Variants in CA10 observed in about 807,000 individuals in gnomAD.
CA10 encodes the protein carbonic anhydrase 10 (inactive).
In CA10, 14 loss-of-function variants were observed where a neutral mutation model predicts 44.2. The observed-to-expected ratio is 0.32, with a 90% confidence interval of 0.21 to 0.50. The LOEUF is 0.50. CA10 is among the 20% of genes least tolerant of loss of function. The pLI, the probability that CA10 is intolerant of heterozygous loss-of-function variation, is 0.99. For synonymous variants in CA10, 159 were observed against 141.6 expected (o/e 1.12, Z -0.87); for missense variants, 350 against 409.7 (o/e 0.85, Z 1.26).
At chr17:51,677,936 T>G (rs2143377737) in intron 4 of CA10, among the ~76,000 whole-genome samples, 1 of 147,618 alleles carries the variant, frequency 6.8e-6, no homozygotes, top group South Asian at 2.1e-4. Context: ...AACTGAAAAC[T>G]GTACACCCAT....
intron 3 of CA10, among the ~76,000 whole-genome samples, chr17:51,822,577 G>C (rs896548913): frequency 6.6e-6 from 1 of 152,066 alleles, no homozygotes; most frequent in East Asian, 1.9e-4. Flanking sequence ...GGTGTTTACT[G>C]TCCTTCACTC....
intron 4 of CA10, among the ~76,000 whole-genome samples, chr17:51,739,712 G>C (rs1904380728): frequency 2.0e-5 from 3 of 152,266 alleles, no homozygotes; most frequent in Admixed American, 2.0e-4. Context: ...AAAATGTCCA[G>C]AGGGAGAACT....
chr17:51,734,590 G>C (rs1916834836), intron 4 of CA10, among the ~76,000 whole-genome samples: 1 of 152,160 alleles, frequency 6.6e-6, no homozygotes, highest in Non-Finnish European at 1.5e-5. Flanking sequence ...AACTCACAAG[G>C]AATGAGGAAT....
intron 1 of CA10, among the ~76,000 whole-genome samples, chr17:52,127,220 G>A (rs1989138291): frequency 1.3e-5 from 2 of 152,126 alleles, no homozygotes; most frequent in South Asian, 2.1e-4. Flanking sequence ...TATACATATT[G>A]TCCAGCAAGT....
chr17:51,776,212 T>G (rs1905813573), intron 3 of CA10, among the ~76,000 whole-genome samples: 1 of 152,030 alleles, frequency 6.6e-6, no homozygotes, highest in African/African-American at 2.4e-5. Context: ...ATACAAAAAT[T>G]TAGCTGGGCA....
chr17:51,801,334 T>C (rs1301498820), intron 3 of CA10, among the ~76,000 whole-genome samples: 1 of 152,176 alleles, frequency 6.6e-6, no homozygotes, highest in Non-Finnish European at 1.5e-5. Context: ...AAATCTCCAG[T>C]CGCCCTTGGG....
chr17:51,738,106 T>C (rs1916972778), intron 4 of CA10, among the ~76,000 whole-genome samples: 1 of 152,158 alleles, frequency 6.6e-6, no homozygotes, highest in Admixed American at 6.5e-5. Context: ...TAATGGAACA[T>C]GAAATCAAGT....
At chr17:52,053,773 A>G (rs984441439) in intron 2 of CA10, among the ~76,000 whole-genome samples, 6 of 152,114 alleles carry the variant, frequency 3.9e-5, no homozygotes, top group African/African-American at 1.4e-4. Flanking sequence ...GATTTCATGG[A>G]CATTTATTAG....
intron 2 of CA10, among the ~76,000 whole-genome samples, chr17:52,019,461 G>A (rs1159966894): frequency 3.9e-5 from 6 of 151,972 alleles, no homozygotes; most frequent in African/African-American, 1.4e-4. Context: ...GGTTATTTTG[G>A]TTTGGTTTTA....
chr17:52,148,979 T>C (rs1335547875), intron 1 of CA10, among the ~76,000 whole-genome samples: 4 of 152,210 alleles, frequency 2.6e-5, no homozygotes, highest in African/African-American at 9.6e-5. Context: ...TCCTCTGAGG[T>C]ATTTATTATT....
At chr17:51,911,453 A>G (rs1271401558) in intron 3 of CA10, among the ~76,000 whole-genome samples, 2 of 152,192 alleles carry the variant, frequency 1.3e-5, no homozygotes, top group Non-Finnish European at 2.9e-5. Context: ...TTCATTCTGC[A>G]TAGCATTACC....
chr17:51,757,665 T>C (rs1247402281), intron 3 of CA10, among the ~76,000 whole-genome samples: 1 of 152,184 alleles, frequency 6.6e-6, no homozygotes, highest in Non-Finnish European at 1.5e-5. Flanking sequence ...CCATAGCCTA[T>C]AGAAAAACAG....
chr17:51,751,588 TG>T (rs1471306190), intron 3 of CA10, among the ~76,000 whole-genome samples: 1 of 152,234 alleles, frequency 6.6e-6, no homozygotes, highest in Non-Finnish European at 1.5e-5. Flanking sequence ...GGATTCTCGT[TG>T]ATCTTTCTTC....
intron 2 of CA10, among the ~76,000 whole-genome samples, chr17:51,953,668 T>C (rs1983566889): frequency 6.6e-6 from 1 of 152,124 alleles, no homozygotes; most frequent in Non-Finnish European, 1.5e-5. Context: ...TGTATATTTA[T>C]AGTGTACAAT....
chr17:51,714,995 G>A (rs1397002034), intron 4 of CA10, among the ~76,000 whole-genome samples: 1 of 152,108 alleles, frequency 6.6e-6, no homozygotes, highest in Admixed American at 6.6e-5. Flanking sequence ...ATAGCTTTAT[G>A]TTCTCACATT....
intron 3 of CA10, among the ~76,000 whole-genome samples, chr17:51,897,637 T>C (rs971677450): frequency 2.0e-5 from 3 of 152,192 alleles, no homozygotes; most frequent in African/African-American, 4.8e-5. Context: ...TAGCATTGAA[T>C]CTATAAATTG....
intron 3 of CA10, among the ~76,000 whole-genome samples, chr17:51,924,987 T>A (rs2143980306): frequency 6.6e-6 from 1 of 152,312 alleles, no homozygotes; most frequent in South Asian, 2.1e-4. Context: ...TCAGCTTCTT[T>A]GAGATAACCA....
intron 4 of CA10, among the ~76,000 whole-genome samples, chr17:51,714,799 C>T (rs1916046598): frequency 6.6e-6 from 1 of 152,092 alleles, no homozygotes; most frequent in South Asian, 2.1e-4. Context: ...CAGTTTGTGG[C>T]CTGAGGAGAG....
intron 3 of CA10, among the ~76,000 whole-genome samples, chr17:51,874,505 G>A (rs970839267): frequency 7.3e-5 from 11 of 151,472 alleles, no homozygotes; most frequent in Admixed American, 5.9e-4. Flanking sequence ...TAATTAAAAT[G>A]TCAGGAGGCG....
Sources: gnomAD v4.1 joint callset for allele counts (sites outside exome capture counted in the v4.1 genomes callset) on GRCh38, gnomAD v4.1.1 for gene constraint, MANE v1.5 for transcripts, NCBI Gene and HGNC (gene_info 2026-07-23, HGNC 2026-07-21) for gene names.